The following C11orf21 variants were observed in gnomAD, a reference collection of about 807,000 sequenced individuals.
C11orf21 encodes uncharacterized protein C11orf21.
C11orf21 carries 19 observed loss-of-function variants against 15.2 expected under a neutral mutation model. That is an observed-to-expected ratio of 1.25 (90% CI 0.87 to 1.84). The LOEUF is 1.84. C11orf21 is among the 40% of genes most tolerant of loss of function. The pLI is 0.00. For synonymous variants in C11orf21, 62 were observed against 66.8 expected (o/e 0.93, Z 0.35); for missense variants, 171 against 174.4 (o/e 0.98, Z 0.11).
In C11orf21 at chr11:2,301,890, G is replaced by C; in HGVS notation, c.-82C>G. 1 of 1,546,684 alleles carries C rather than the reference G, an allele frequency of 6.5e-7. No homozygotes were observed. The highest frequency in any genetic ancestry group is 8.7e-7 in the Non-Finnish European group (1 of 1,145,996). Reference sequence around the variant, plus strand: ...TTCCTGGGAAGGGCCTCAGATGTCAGCAAATGCCCTGGTGTCTTGGGCTGG... The same window carrying C: ...TTCCTGGGAAGGGCCTCAGATGTCACCAAATGCCCTGGTGTCTTGGGCTGG... On this transcript the variant is annotated 5_prime_UTR_variant, in exon 1 of 4. Coordinates refer to ENST00000381153, the MANE Select transcript of C11orf21 (RefSeq NM_001329958.2).
intron 3 of C11orf21, 130 bp downstream of exon 3, chr11:2,299,298 T>G (rs1334775619): frequency 1.1e-4 from 113 of 1,005,694 alleles, no homozygotes; most frequent in Non-Finnish European, 1.5e-4. Context: ...CCCACAGGTC[T>G]CTTCAAGCTC....
rs754003686 is a variant in C11orf21 at position 2,301,767 on chromosome 11, C to T, written c.42G>A (p.Pro14=). 3.3e-5 allele frequency: 51 copies of T among 1,549,136 alleles called. No individual in the cohort carries two copies. Among genetic ancestry groups the T allele is most frequent in the South Asian group, 7.1e-5 (6 of 84,028 alleles). ...TWCGMWRRRR[P]GRRSAVPRWP... is the part of the protein sequence containing the mutation. ...GACGGGGAGCTCACCTCCTCCTCCC[C>T]GGGCGCCGTCTCCTCCACATCCCAC... The change falls in exon 1 of 4, where the codon CCG becomes CCA. Residue 14 remains proline (P), a synonymous_variant. Coordinates refer to ENST00000381153, the MANE Select transcript of C11orf21 (RefSeq NM_001329958.2).
upstream of C11orf21, among the ~76,000 whole-genome samples, chr11:2,302,514 C>G (rs144332868): frequency 2.2e-3 from 335 of 152,284 alleles, 1 homozygote; most frequent in African/African-American, 7.7e-3. Flanking sequence ...CTCCAGGGAT[C>G]TTCTCCCCTT....
chr11:2,302,046 T>G (rs773810149), upstream of C11orf21: 8 of 1,496,500 alleles, frequency 5.3e-6, no homozygotes, highest in Non-Finnish European at 7.1e-6. Context: ...GAGGGGCGGA[T>G]GCAGCCTACC....
chr11:2,296,272 C>T lies in C11orf21; in HGVS notation c.*1678G>A, dbSNP rs1034098085. ...CTTTCCCAGCATAGTAGCCCCCACC[C>T]TCAGGTCAGGGAACAAATGTGGGGG... On this transcript the variant is annotated 3_prime_UTR_variant, in exon 4 of 4. Transcript: ENST00000381153. The surrounding 1 kb of genome is among the most constrained non-coding windows in gnomAD (Gnocchi z 5.6). The T allele has an allele frequency of 1.3e-5, 2 of 152,214 alleles. No homozygotes were observed. The highest frequency in any genetic ancestry group is 2.9e-5 in the Non-Finnish European group (2 of 68,062). The allele number at this position is 152,214 out of a possible 1,614,324, so 9.4% of individuals were successfully genotyped here. A position where few individuals can be genotyped will look rare whatever the true frequency, so the allele number is the denominator to read the frequency against.
chr11:2,299,359 G>A, intron 3 of C11orf21, 69 bp downstream of exon 3: 1 of 1,460,224 alleles, frequency 6.8e-7, no homozygotes, highest in Non-Finnish European at 9.1e-7. Context: ...TGCCTCCCCG[G>A]TGGGAGGGGC....
At chr11:2,300,189 T>G (rs555314934) in intron 2 of C11orf21, among the ~76,000 whole-genome samples, 1 of 23,472 alleles carries the variant, frequency 4.3e-5, no homozygotes, top group Non-Finnish European at 7.6e-5. Flanking sequence ...GTGTGTGAGG[T>G]TGGGCAGGGG....
At chr11:2,302,582 T>C (rs893401478), upstream of C11orf21, 1 of 549,944 alleles carries the variant, frequency 1.8e-6, no homozygotes, top group South Asian at 2.2e-5. Flanking sequence ...GTAGACACAA[T>C]GATCAGAGGT....
rs1461386624 is a variant in C11orf21 at position 2,297,670 on chromosome 11, C to A, written c.*280G>T. On this transcript the variant is annotated 3_prime_UTR_variant, in exon 4 of 4. Transcript: ENST00000381153. ...TGACTCACTGCTTCCCAGAGCCAGC[C>A]CAGAGCTGTTTAGTAGACATGAGGT... 2 of 152,208 alleles carry A rather than the reference C, an allele frequency of 1.3e-5. No homozygotes were observed. The highest frequency in any genetic ancestry group is 4.8e-5 in the African/African-American group (2 of 41,422). The allele number at this position is 152,208 out of a possible 1,614,324, so 9.4% of individuals were successfully genotyped here.
At chr11:2,300,928 A>C in intron 1 of C11orf21, 1 of 662,356 alleles carries the variant, frequency 1.5e-6, no homozygotes, top group South Asian at 1.9e-5. Context: ...AGCCACACCT[A>C]GGCCCCCAGC....
upstream of C11orf21, chr11:2,302,890 G>C: frequency 6.2e-7 from 1 of 1,613,674 alleles, no homozygotes. Flanking sequence ...ACCTACTTCG[G>C]GGCCCACTTT....
chr11:2,300,790 C>A (rs756294349), intron 1 of C11orf21, 177 bp from the exon 2 acceptor site: 1 of 1,549,620 alleles, frequency 6.5e-7, no homozygotes, highest in Non-Finnish European at 8.7e-7. Flanking sequence ...CCAGACATAG[C>A]CAAGAGCAGC....
upstream of C11orf21, chr11:2,301,980 C>A: frequency 6.7e-7 from 1 of 1,489,198 alleles, no homozygotes; most frequent in Non-Finnish European, 8.9e-7. Flanking sequence ...TTCCTGCCTG[C>A]CCTTCTTCCG....
At chr11:2,300,299 T>G (rs2133271266) in intron 2 of C11orf21, among the ~76,000 whole-genome samples, 1 of 23,550 alleles carries the variant, frequency 4.2e-5, no homozygotes, top group Non-Finnish European at 7.7e-5. Context: ...GGCAGGGATG[T>G]GTGGGGTGGG....
chr11:2,303,022 GC>G, upstream of C11orf21: 1 of 1,458,262 alleles, frequency 6.9e-7, no homozygotes, highest in Non-Finnish European at 9.5e-7. Flanking sequence ...GCTGGCACGA[GC>G]CCAGCTGGAC....
At position 2,300,725 on chromosome 11, in the gene C11orf21, C is replaced by T. The variant is rs183939246; in HGVS notation, c.54-112G>A. On this transcript the variant is annotated intron_variant, in intron 1 of 3. Transcript: ENST00000381153. ...CCAGAAGCGGGTGGTGCTCCAGGCC[C>T]GCCTCACCAGCTCCAGGGAGGTCAA... is the stretch of plus-strand genomic sequence containing the variant. 217 of 1,550,954 alleles carry T rather than the reference C, an allele frequency of 1.4e-4. 1 individual carries two copies. In the Admixed American group the frequency reaches 3.6e-3, roughly 26 times the overall value.
upstream of C11orf21, chr11:2,302,368 C>T: frequency 1.2e-6 from 1 of 856,416 alleles, no homozygotes; most frequent in East Asian, 3.1e-5. Context: ...CCTGCCCTTG[C>T]AGACAGCCGC....
Position 2,300,550 on chromosome 11 carries a change from C to T in C11orf21, c.117G>A (p.Thr39=), listed in dbSNP as rs1453142907. ...QSGVEPPDRW[T]GTPGWPSRDQ... is the part of the protein sequence containing the mutation. ...CTCTGGAGGGCCAGCCGGGGGTTCC[C>T]GTCCACCTGTCAGGGGGTTCGACGC... Residue 39 remains threonine, a synonymous_variant, in exon 2 of 4, where the codon ACG becomes ACA. Coordinates refer to ENST00000381153, the MANE Select transcript of C11orf21 (RefSeq NM_001329958.2). 4 of 1,548,968 alleles carry T rather than the reference C, an allele frequency of 2.6e-6. No homozygotes were observed. Among genetic ancestry groups the T allele is most frequent in the African/African-American group, 1.4e-5 (1 of 72,906 alleles).
In C11orf21 at chr11:2,299,694, G is replaced by A. The variant is rs1439466863; in HGVS notation, c.161C>T (p.Ser54Leu). 2 of 1,550,928 alleles carry A rather than the reference G, an allele frequency of 1.3e-6. No homozygotes were observed. Among genetic ancestry groups the A allele is most frequent in the Non-Finnish European group, 1.7e-6 (2 of 1,146,934 alleles). Reference protein sequence around the residue: ...WPSRDQEAPGSMMPPAAAQPS... With the variant: ...WPSRDQEAPGLMMPPAAAQPS... The stretch of plus-strand genomic sequence containing the variant: ...TTGGGCAGCTGCAGGTGGCATCATT[G>A]AGCCAGGGGCCTCCTGGTGGGTAAG... Residue 54 changes from serine to leucine, a missense_variant, in exon 3 of 4, where the codon TCA (serine) becomes TTA (leucine). Transcript: ENST00000381153.
Sources: gnomAD v4.1 joint callset for allele counts (sites outside exome capture counted in the v4.1 genomes callset) on GRCh38, gnomAD v4.1.1 for gene constraint, Gnocchi (gnomAD v3.1) non-coding constraint, MANE v1.5 for transcripts, NCBI Gene and HGNC (gene_info 2026-07-23, HGNC 2026-07-21) for gene names.